ZNF785: variants seen among roughly 807,000 people sequenced by gnomAD.
ZNF785 encodes the protein zinc finger protein 785.
In ZNF785, 15 loss-of-function variants were observed where a neutral mutation model predicts 11.3. The ratio of observed to expected loss-of-function variants is 1.32; its 90% CI spans 0.89 to 2.04. The LOEUF (loss-of-function observed/expected upper bound fraction) is 2.04, where lower values mean the gene tolerates loss of function less well. Ranked by LOEUF, ZNF785 falls within the 30% of genes most tolerant of loss-of-function variation. The pLI, the probability that ZNF785 is intolerant of heterozygous loss-of-function variation, is 0.00. For missense variants in ZNF785, 572 were observed against 560.9 expected (o/e 1.02, Z -0.20); for synonymous variants, 221 against 231.0 (o/e 0.96, Z 0.39).
intron 2 of ZNF785, 170 bp from the exon 3 acceptor site, chr16:30,583,613 G>T (rs2051851713): frequency 3.7e-6 from 3 of 813,702 alleles, no homozygotes; most frequent in South Asian, 4.4e-5. Flanking sequence ...GGGGCCTCAT[G>T]AAGCCCTGAA....
In ZNF785 at chr16:30,583,222, G is replaced by A. The variant is rs199816517; in HGVS notation, c.556C>T (p.Leu186Phe). Residue 186 changes from leucine to phenylalanine, a missense_variant, in exon 3 of 3, where the codon CTC (leucine) becomes TTC (phenylalanine). Leu to Phe is a conservative substitution (Grantham distance 22). Transcript: ENST00000395216. The stretch of plus-strand genomic sequence containing the variant: ...TGGACCCGCTGGTGGCTGGCCAGGA[G>A]GGAAGGGTAGCTGAAGTTGCGGCCA... ...DCGRNFSYPS[L>F]LASHQRVHSG... 47 of 1,613,906 alleles carry A rather than the reference G, an allele frequency of 2.9e-5. No homozygotes were observed. Among genetic ancestry groups the A allele is most frequent in the Non-Finnish European group, 2.2e-5 (26 of 1,179,942 alleles).
chr16:30,583,617 C>T, intron 2 of ZNF785, 174 bp from the exon 3 acceptor site: 1 of 752,404 alleles, frequency 1.3e-6, no homozygotes, highest in Non-Finnish European at 2.0e-6. Flanking sequence ...CCTCATGAAG[C>T]CCTGAAAGCC....
rs534271935 is a variant in ZNF785, at chr16:30,581,633, C to A, written c.*927G>T. The A allele has an allele frequency of 6.6e-6, 1 of 152,210 alleles. No homozygotes were observed. The highest frequency in any genetic ancestry group is 1.9e-4 in the East Asian group (1 of 5,184). The allele number at this position is 152,210 out of a possible 1,614,324, so 9.4% of individuals were successfully genotyped here. A position where few individuals can be genotyped will look rare whatever the true frequency, so the allele number is the denominator to read the frequency against. ...GAAGAGTTGGCCCAGTTCCAGAGTCCGCTATGTTTGATAGTTTGTGCACTT... is the reference window on the plus strand; with the variant it reads ...GAAGAGTTGGCCCAGTTCCAGAGTCAGCTATGTTTGATAGTTTGTGCACTT... On this transcript the variant is annotated 3_prime_UTR_variant, in exon 3 of 3. Coordinates refer to ENST00000395216, the MANE Select transcript of ZNF785 (RefSeq NM_152458.7).
At position 30,582,257 on chromosome 16, in the gene ZNF785, C is replaced by A; in HGVS notation, c.*303G>T. 5.1e-6 allele frequency: 2 copies of A among 394,440 alleles called. No individual in the cohort carries two copies. Among genetic ancestry groups the A allele is most frequent in the South Asian group, 2.8e-5 (1 of 35,744 alleles). 24.4% of individuals were successfully genotyped at this position (394,440 alleles called of 1,614,324 possible). A position where few individuals can be genotyped will look rare whatever the true frequency, so the allele number is the denominator to read the frequency against. On this transcript the variant is annotated 3_prime_UTR_variant, in exon 3 of 3. Transcript: ENST00000395216. ...AGTAGGAGAGATACAGGCCAAAAAGCAGAGAGCTACAAGGGAGAGAACAAT... is the reference window on the plus strand; with the variant it reads ...AGTAGGAGAGATACAGGCCAAAAAGAAGAGAGCTACAAGGGAGAGAACAAT...
downstream of ZNF785, chr16:30,579,202 A>G (rs1313526032): frequency 6.6e-6 from 1 of 152,618 alleles, no homozygotes; most frequent in Non-Finnish European, 1.5e-5. Flanking sequence ...GGATAAATGA[A>G]TGGATAGAGG....
At position 30,585,498 on chromosome 16, in the gene ZNF785, G is replaced by A; in HGVS notation, c.114C>T (p.Phe38=). ...GCAGGCATTCCCACTCCTCGGGAGA[G>A]AAGTACACGGCCACGTCCGCGAAGC... ...AVSFADVAVY[F]SPEEWECLRP... The change falls in exon 1 of 3, where the codon TTC becomes TTT. Residue 38 remains phenylalanine, a synonymous_variant. Coordinates refer to ENST00000395216, the MANE Select transcript of ZNF785 (RefSeq NM_152458.7). This position sits in a 1 kb window ranked among gnomAD's most constrained non-coding sequence, Gnocchi z 4.0. 6.2e-7 allele frequency: 1 copy of A among 1,600,644 alleles called. No individual in the cohort carries two copies. The highest frequency in any genetic ancestry group is 1.1e-5 in the South Asian group (1 of 89,560).
In ZNF785 at chr16:30,582,618, C is replaced by T. The variant is rs945282145; in HGVS notation, c.1160G>A (p.Gly387Asp). Residue 387 changes from glycine (G) to aspartate (D), a missense_variant, in exon 3 of 3, where the codon GGC becomes GAC. By Grantham distance (94) the Gly-to-Asp change is moderately conservative (BLOSUM62 -1). Coordinates refer to ENST00000395216, the MANE Select transcript of ZNF785 (RefSeq NM_152458.7). ...GRSEPIPVLG[G>D]KDPPVHFRHF... ...CCGGAAGTGAACTGGGGGATCCTTG[C>T]CTCCCAAAACAGGGATGGGCTCTGA... 6.2e-7 allele frequency: 1 copy of T among 1,614,202 alleles called. No homozygotes were observed. The highest frequency in any genetic ancestry group is 8.5e-7 in the Non-Finnish European group (1 of 1,180,054).
rs1291606982 is a variant in ZNF785, at chr16:30,581,158, C to T, written c.*1402G>A. 6.6e-6 allele frequency: 1 copy of T among 151,860 alleles called. No homozygotes were observed. Among genetic ancestry groups the T allele is most frequent in the Non-Finnish European group, 1.5e-5 (1 of 68,420 alleles). 9.4% of individuals were successfully genotyped at this position (151,860 alleles called of 1,614,324 possible). ...TAGCCTGGGCAACAAGAGCGAAACT[C>T]CATCTCAAAAAAAAAAAGAGGCTGG... On this transcript the variant is annotated 3_prime_UTR_variant, in exon 3 of 3. Coordinates refer to ENST00000395216, the MANE Select transcript of ZNF785 (RefSeq NM_152458.7).
In ZNF785 at chr16:30,585,062, G is replaced by A. The variant is rs2051871123; in HGVS notation, c.334+60C>T. ...GGAGGGGGCAGCCTGCGCTGAGGAT[G>A]TGAGTGAGTTGGGGGCGGGGGTTGG... On this transcript the variant is annotated intron_variant, in intron 2 of 2. Transcript: ENST00000395216. The surrounding 1 kb of genome is among the most constrained non-coding windows in gnomAD (Gnocchi z 4.0). The A allele has an allele frequency of 6.4e-7, 1 of 1,565,162 alleles. No individual in the cohort carries two copies. The highest frequency in any genetic ancestry group is 2.3e-5 in the East Asian group (1 of 44,246).
chr16:30,585,217 C>T lies in ZNF785; in HGVS notation c.239G>A (p.Trp80Ter), dbSNP rs147854775. Reference sequence around the variant, plus strand: ...CCACGCCTCCACTTCTCCTTCCACCCACGAGATAAAAGCGGGTTTGGGAAC... The same window carrying T: ...CCACGCCTCCACTTCTCCTTCCACCTACGAGATAAAAGCGGGTTTGGGAAC... ...FSVPKPAFIS[W>*]VEGEVEAWSP... Residue 80 changes from tryptophan to a stop codon, truncating the protein, a stop_gained, in exon 2 of 3, where the codon TGG (tryptophan) becomes TAG (stop). Transcript: ENST00000395216. LOFTEE classifies it high-confidence loss of function. The surrounding 1 kb of genome is among the most constrained non-coding windows in gnomAD (Gnocchi z 4.0). The T allele has an allele frequency of 6.4e-5, 103 of 1,614,166 alleles. No individual in the cohort carries two copies. The highest frequency in any genetic ancestry group is 4.9e-4 in the Middle Eastern group (3 of 6,062).
chr16:30,583,036 G>A lies in ZNF785; in HGVS notation c.742C>T (p.Arg248Trp), dbSNP rs746360318. Residue 248 changes from arginine to tryptophan, a missense_variant, in exon 3 of 3, where the codon CGG becomes TGG. By Grantham distance (101) the Arg-to-Trp change is moderately radical (BLOSUM62 -3). Transcript: ENST00000395216. ...TAAGGCTTCTCCCCGGTGTGAGCCC[G>A]CCTGTGGATAGCCAGGGAACCCCTC... ...RQRGSLAIHR[R>W]AHTGEKPYAC... The A allele has an allele frequency of 3.7e-6, 6 of 1,614,006 alleles. No individual in the cohort carries two copies. The South Asian group carries it at 6.6e-5, about 18-fold the overall frequency.
rs954495677 is a variant in ZNF785, at chr16:30,581,524, T to C, written c.*1036A>G. On this transcript the variant is annotated 3_prime_UTR_variant, in exon 3 of 3. Coordinates refer to ENST00000395216, the MANE Select transcript of ZNF785 (RefSeq NM_152458.7). ...CTCCAGCTACTGTGGCCCAAGAATA[T>C]ATCTTTATCAAAAAATACAAAATCC... 18 of 148,922 alleles carry C rather than the reference T, an allele frequency of 1.2e-4. No homozygotes were observed. The highest frequency in any genetic ancestry group is 4.4e-4 in the African/African-American group (18 of 40,470). The allele number at this position is 148,922 out of a possible 1,614,324, so 9.2% of individuals were successfully genotyped here. A position where few individuals can be genotyped will look rare whatever the true frequency, so the allele number is the denominator to read the frequency against.
rs550499799 is a variant in ZNF785 at position 30,581,451 on chromosome 16, C to T, written c.*1109G>A. ...CTCCAGCCCAGGCAATAGAGACAGA[C>T]TCTGTCTCAAAAAAAAAAAAAAAAA... On this transcript the variant is annotated 3_prime_UTR_variant, in exon 3 of 3. Transcript: ENST00000395216. 1 of 138,344 alleles carries T rather than the reference C, an allele frequency of 7.2e-6. No individual in the cohort carries two copies. The highest frequency in any genetic ancestry group is 7.4e-5 in the Admixed American group (1 of 13,512). The allele number at this position is 138,344 out of a possible 1,614,324, so 8.6% of individuals were successfully genotyped here. A position where few individuals can be genotyped will look rare whatever the true frequency, so the allele number is the denominator to read the frequency against.
rs199507937 is a variant in ZNF785, at chr16:30,582,699, C to T, written c.1079G>A (p.Trp360Ter). Residue 360 changes from tryptophan to a stop codon, truncating the protein, a stop_gained, in exon 3 of 3, where the codon TGG becomes TAG. Transcript: ENST00000395216. LOFTEE classifies it low-confidence loss of function (END_TRUNC). ...CCTCTCGCTGCAGGAGCGGTGGATC[C>T]ACCGATGGGCTTCCAGGGCGGTCTT... ...KRKTALEAHR[W>*]IHRSCSERRA... 19 of 1,613,714 alleles carry T rather than the reference C, an allele frequency of 1.2e-5. No homozygotes were observed. In the East Asian group the frequency reaches 4.0e-4, roughly 34 times the overall value.
Position 30,582,812 on chromosome 16 carries a change from G to C in ZNF785, c.966C>G (p.Thr322=). Residue 322 remains threonine (T), a synonymous_variant, in exon 3 of 3, where the codon ACC becomes ACG. Coordinates refer to ENST00000395216, the MANE Select transcript of ZNF785 (RefSeq NM_152458.7). ...YPCPDCGRRF[T]YSSLLLSHRR... is the part of the protein sequence containing the mutation. Reference sequence around the variant, plus strand: ...GGTGACTGAGGAGGAGGGAAGAATAGGTGAAGCGGCGGCCGCAGTCAGGAC... The same window carrying C: ...GGTGACTGAGGAGGAGGGAAGAATACGTGAAGCGGCGGCCGCAGTCAGGAC... 6.2e-7 allele frequency: 1 copy of C among 1,607,954 alleles called. No homozygotes were observed.
chr16:30,585,464 G>C lies in ZNF785; in HGVS notation c.148C>G (p.Gln50Glu). Residue 50 changes from glutamine to glutamate, a missense_variant, in exon 1 of 3, where the codon CAG becomes GAG. Transcript: ENST00000395216. The surrounding 1 kb of genome is among the most constrained non-coding windows in gnomAD (Gnocchi z 4.0). ...PEEWECLRPA[Q>E]RALYRDVMRE... ...ATCACGTCCCGGTACAGGGCCCTCTGCGCTGGCCGCAGGCATTCCCACTCC... is the reference window on the plus strand; with the variant it reads ...ATCACGTCCCGGTACAGGGCCCTCTCCGCTGGCCGCAGGCATTCCCACTCC... 1 of 1,603,686 alleles carries C rather than the reference G, an allele frequency of 6.2e-7. No homozygotes were observed. Among genetic ancestry groups the C allele is most frequent in the Non-Finnish European group, 8.5e-7 (1 of 1,175,704 alleles).
Position 30,582,567 on chromosome 16 carries a change from C to T in ZNF785, c.1211G>A (p.Cys404Tyr). Residue 404 changes from cysteine (C) to tyrosine (Y), a missense_variant, in exon 3 of 3, where the codon TGT (cysteine) becomes TAT (tyrosine). Coordinates refer to ENST00000395216, the MANE Select transcript of ZNF785 (RefSeq NM_152458.7). ...FRHFPDIFQE[C>Y]G ...CAGTTTGTGTGAACGCCATCACCCACACTCTTGAAATATATCTGGAAAGTG... is the reference window on the plus strand; with the variant it reads ...CAGTTTGTGTGAACGCCATCACCCATACTCTTGAAATATATCTGGAAAGTG... The T allele has an allele frequency of 6.2e-7, 1 of 1,613,960 alleles. No homozygotes were observed. The highest frequency in any genetic ancestry group is 1.1e-5 in the South Asian group (1 of 91,084).
At position 30,581,585 on chromosome 16, in the gene ZNF785, C is replaced by G. The variant is rs2051810361; in HGVS notation, c.*975G>C. 6.6e-6 allele frequency: 1 copy of G among 151,818 alleles called. No homozygotes were observed. Among genetic ancestry groups the G allele is most frequent in the South Asian group, 2.1e-4 (1 of 4,818 alleles). 9.4% of individuals were successfully genotyped at this position (151,818 alleles called of 1,614,324 possible). On this transcript the variant is annotated 3_prime_UTR_variant, in exon 3 of 3. Coordinates refer to ENST00000395216, the MANE Select transcript of ZNF785 (RefSeq NM_152458.7). ...CAAATATCTGAAGAAGAAAAAAACA[C>G]TGCAATCACTAATGCATACAGTGAA...
chr16:30,585,133 C>T lies in ZNF785; in HGVS notation c.323G>A (p.Gly108Glu). 6.2e-7 allele frequency: 1 copy of T among 1,612,338 alleles called. No homozygotes were observed. Among genetic ancestry groups the T allele is most frequent in the Non-Finnish European group, 8.5e-7 (1 of 1,178,772 alleles). ...ESSAAFSRGQ[G>E]QEAGSRDGNE... is the part of the protein sequence containing the mutation. ...TCCAAATGAAGTACCTGCTTCCTGTCCTTGGCCCCTGCTGAAAGCTGCAGA... is the reference window on the plus strand; with the variant it reads ...TCCAAATGAAGTACCTGCTTCCTGTTCTTGGCCCCTGCTGAAAGCTGCAGA... The change falls in exon 2 of 3, where the codon GGA (glycine) becomes GAA (glutamate). Residue 108 changes from glycine to glutamate, a missense_variant. By Grantham distance (98) the Gly-to-Glu change is moderately conservative. Transcript: ENST00000395216. The surrounding 1 kb of genome is among the most constrained non-coding windows in gnomAD (Gnocchi z 4.0).
Sources: allele counts gnomAD v4.1 joint callset, GRCh38; gene constraint gnomAD v4.1.1; non-coding constraint Gnocchi (gnomAD v3.1); transcripts MANE v1.5; gene names NCBI Gene and HGNC (gene_info 2026-07-23, HGNC 2026-07-21).